Variants in EYS observed in about 807,000 individuals in gnomAD.
EYS encodes EGF-like photoreceptor maintenance factor.
A neutral mutation model predicts 282.1 loss-of-function variants in EYS; 250 were observed. The ratio of observed to expected loss-of-function variants is 0.89; its 90% CI spans 0.80 to 0.98. The LOEUF is 0.98. EYS is among the 50% of genes least tolerant of loss of function. EYS has a pLI of 0.00. For synonymous variants in EYS, 1,355 were observed against 1,282.9 expected (o/e 1.06, Z -1.20); for missense variants, 4,016 against 3,709.0 (o/e 1.08, Z -2.15).
intron 26 of EYS, among the ~76,000 whole-genome samples, chr6:64,518,850 C>CT (rs1258521327): frequency 6.7e-6 from 1 of 149,804 alleles, no homozygotes; most frequent in Non-Finnish European, 1.5e-5. Context: ...GTTTGCTTCC[C>CT]TTTTTGCCAT....
At chr6:63,818,934 A>C (rs1453663449) in intron 36 of EYS, among the ~76,000 whole-genome samples, 1 of 152,178 alleles carries the variant, frequency 6.6e-6, no homozygotes, top group Non-Finnish European at 1.5e-5. Flanking sequence ...CCTTCCATCC[A>C]AAAATATCTT....
intron 39 of EYS, among the ~76,000 whole-genome samples, chr6:63,785,173 T>G (rs1003187515): frequency 3.9e-5 from 6 of 152,180 alleles, no homozygotes; most frequent in Non-Finnish European, 8.8e-5. Flanking sequence ...AGAAGTATAT[T>G]CAGAAAAGGC....
At chr6:65,549,360 T>G (rs2127330454) in intron 2 of EYS, among the ~76,000 whole-genome samples, 1 of 152,324 alleles carries the variant, frequency 6.6e-6, no homozygotes, top group South Asian at 2.1e-4. Context: ...TATTTTAAAA[T>G]ACTTTGGCTC....
intron 8 of EYS, among the ~76,000 whole-genome samples, chr6:65,355,475 CTTGA>C (rs1764445230): frequency 6.6e-6 from 1 of 152,018 alleles, no homozygotes; most frequent in Non-Finnish European, 1.5e-5. Flanking sequence ...ACAAATAAGA[CTTGA>C]TTAACCTAAA....
rs532996326 is a variant in EYS, at chr6:64,896,852, AG to A, written c.2846+5260del. ...GCCGCCAGGAAGTTCAGACTGGTGGAGGGGGGGGCCACCACAGTGCCTCAAA... is the reference window on the plus strand; with the variant it reads ...GCCGCCAGGAAGTTCAGACTGGTGGAGGGGGGGCCACCACAGTGCCTCAAA... On this transcript the variant is annotated intron_variant, in intron 18 of 42. Transcript: ENST00000503581. Among the ~76,000 whole-genome samples the A allele has an allele frequency of 6.9e-4, 104 of 151,174 alleles. 2 individuals carry two copies. Among genetic ancestry groups the A allele is most frequent in the South Asian group, 5.7e-3 (27 of 4,756 alleles).
chr6:64,783,729 A>G (rs1379928927), intron 22 of EYS, among the ~76,000 whole-genome samples: 1 of 152,152 alleles, frequency 6.6e-6, no homozygotes. Flanking sequence ...TTTTAGCCAA[A>G]GCTTTTATCT....
chr6:64,619,050 G>T (rs1212666328), intron 23 of EYS, among the ~76,000 whole-genome samples: 1 of 152,120 alleles, frequency 6.6e-6, no homozygotes, highest in African/African-American at 2.4e-5. Flanking sequence ...AATACTAAAG[G>T]AATGCTGATA....
chr6:63,848,084 C>G (rs962293653), intron 36 of EYS, among the ~76,000 whole-genome samples: 15 of 152,106 alleles, frequency 9.9e-5, no homozygotes, highest in Admixed American at 9.8e-4. Flanking sequence ...GCTGAAATGA[C>G]CTTATTTTGT....
At chr6:64,338,614 AC>A (rs761181430) in intron 29 of EYS, among the ~76,000 whole-genome samples, 13 of 152,054 alleles carry the variant, frequency 8.5e-5, no homozygotes, top group Non-Finnish European at 1.8e-4. Flanking sequence ...CCATCACTTA[AC>A]ATAATTTGAA....
At chr6:65,369,353 T>C (rs1765050626) in intron 8 of EYS, among the ~76,000 whole-genome samples, 1 of 139,088 alleles carries the variant, frequency 7.2e-6, no homozygotes, top group African/African-American at 2.5e-5. Context: ...TATCTCATTC[T>C]GAACCAAAAG....
intron 12 of EYS, among the ~76,000 whole-genome samples, chr6:65,160,851 TC>T (rs1002112861): frequency 7.2e-6 from 1 of 138,800 alleles, no homozygotes; most frequent in African/African-American, 3.0e-5. Context: ...TATTATATTT[TC>T]CCCCAAAACT....
At chr6:63,978,704 A>G (rs1321487225) in intron 35 of EYS, among the ~76,000 whole-genome samples, 1 of 151,960 alleles carries the variant, frequency 6.6e-6, no homozygotes, top group Non-Finnish European at 1.5e-5. Flanking sequence ...AACTTACTAC[A>G]GAACAAATGG....
chr6:64,599,192 T>C (rs1766684675), intron 24 of EYS, among the ~76,000 whole-genome samples: 1 of 152,168 alleles, frequency 6.6e-6, no homozygotes, highest in Non-Finnish European at 1.5e-5. Context: ...CTAATCTTAT[T>C]GATATCATAA....
At chr6:64,157,139 C>CG (rs1429800248) in intron 31 of EYS, among the ~76,000 whole-genome samples, 1 of 148,158 alleles carries the variant, frequency 6.7e-6, no homozygotes, top group Non-Finnish European at 1.5e-5. Flanking sequence ...TGAGAATATG[C>CG]GGTGTTTGGT....
rs537418234 is a variant in EYS, at chr6:64,456,942, T to C, written c.5645-17590A>G. On this transcript the variant is annotated intron_variant, in intron 26 of 42. Transcript: ENST00000503581. ...TTTACATACATTACCTAATTCATTC[T>C]AACTTCAATCTGAAAAGTGTGTAAA... 1.3e-4 allele frequency among the ~76,000 whole-genome samples: 20 copies of C among 152,162 alleles called. No homozygotes were observed. The South Asian group carries it at 3.9e-3, about 30-fold the overall frequency.
At chr6:64,412,940 A>C (rs566687977) in intron 28 of EYS, among the ~76,000 whole-genome samples, 4 of 152,256 alleles carry the variant, frequency 2.6e-5, no homozygotes, top group Admixed American at 6.6e-5. Context: ...GAGAAGTGCT[A>C]ACTAATTTAG....
chr6:64,932,673 G>A (rs565482302), intron 15 of EYS, among the ~76,000 whole-genome samples: 2 of 152,010 alleles, frequency 1.3e-5, no homozygotes, highest in South Asian at 4.1e-4. Context: ...AGGAAGTAAA[G>A]AATAAAGTAC....
At chr6:64,657,904 C>G (rs1768814450) in intron 22 of EYS, among the ~76,000 whole-genome samples, 1 of 152,112 alleles carries the variant, frequency 6.6e-6, no homozygotes, top group African/African-American at 2.4e-5. Context: ...ATTGGCCTGC[C>G]TTGCTAGATT....
intron 35 of EYS, among the ~76,000 whole-genome samples, chr6:63,918,242 T>G (rs908966352): frequency 1.2e-4 from 18 of 152,344 alleles, no homozygotes; most frequent in Admixed American, 2.0e-4. Context: ...GATTACGTGA[T>G]TAATTTAGAT....
Sources: gnomAD v4.1 joint callset for allele counts (sites outside exome capture counted in the v4.1 genomes callset) on GRCh38, gnomAD v4.1.1 for gene constraint, MANE v1.5 for transcripts, NCBI Gene and HGNC (gene_info 2026-07-23, HGNC 2026-07-21) for gene names.